TMEM132D: variants seen among roughly 807,000 people sequenced by gnomAD.
The protein encoded by TMEM132D is transmembrane protein 132D.
In TMEM132D, 21 loss-of-function variants were observed where a neutral mutation model predicts 62.3. The observed-to-expected ratio is 0.34, with a 90% CI of 0.24 to 0.49. The LOEUF is 0.49. Among genes scored for constraint, TMEM132D ranks in the 20% least tolerant of loss-of-function variants. The pLI is 0.99. For synonymous variants in TMEM132D, 621 were observed against 575.6 expected, an observed-to-expected ratio of 1.08 and a Z score of -1.13; for missense variants, 1,346 against 1,402.8, an observed-to-expected ratio of 0.96 and a Z score of 0.65.
At chr12:129,100,919 T>C (rs1355714936) in intron 5 of TMEM132D, among the ~76,000 whole-genome samples, 1 of 151,932 alleles carries the variant, frequency 6.6e-6, no homozygotes, top group African/African-American at 2.4e-5. Flanking sequence ...TGTCTGGGGG[T>C]CGGTGGCAGG....
At chr12:129,755,310 A>G (rs1263683033) in intron 1 of TMEM132D, among the ~76,000 whole-genome samples, 1 of 152,232 alleles carries the variant, frequency 6.6e-6, no homozygotes, top group Non-Finnish European at 1.5e-5. Flanking sequence ...TCTCTCATTA[A>G]TGAATAAGGT....
In TMEM132D at chr12:129,589,793, T is replaced by C. The variant is rs1372761192; in HGVS notation, c.969-58588A>G. 2.0e-5 allele frequency among the ~76,000 whole-genome samples: 3 copies of C among 152,198 alleles called. No homozygotes were observed. The South Asian group carries it at 6.2e-4, about 32-fold the overall frequency. On this transcript the variant is annotated intron_variant, in intron 2 of 8. Transcript: ENST00000422113. ...CAGCTCAACATAAAAACATTTATTC[T>C]GTTCTTACCAGTAGGATTAATTCCA...
chr12:129,434,453 G>A (rs1458395859), intron 3 of TMEM132D, among the ~76,000 whole-genome samples: 6 of 152,058 alleles, frequency 3.9e-5, no homozygotes, highest in African/African-American at 7.2e-5. Flanking sequence ...CTCCTCATAC[G>A]TTTGCTGTGA....
chr12:129,450,451 TAA>T lies in TMEM132D; in HGVS notation c.1115+80606_1115+80607del, dbSNP rs1873239304. Among the ~76,000 whole-genome samples the T allele has an allele frequency of 2.0e-5, 3 of 152,270 alleles. No homozygotes were observed. In the South Asian group the frequency reaches 6.2e-4, roughly 32 times the overall value. On this transcript the variant is annotated intron_variant, in intron 3 of 8. Coordinates refer to ENST00000422113, the MANE Select transcript of TMEM132D (RefSeq NM_133448.3). The stretch of plus-strand genomic sequence containing the variant: ...AAACCTGTACTTGCACCCCTGAACT[TAA>T]AAGTTTTAGAAAAGAGTTTCAATGA...
At chr12:129,789,120 T>C (rs1871326030) in intron 1 of TMEM132D, among the ~76,000 whole-genome samples, 1 of 152,186 alleles carries the variant, frequency 6.6e-6, no homozygotes, top group South Asian at 2.1e-4. Flanking sequence ...GTTACATGGA[T>C]AAGTTCTTTA....
At chr12:129,196,226 C>A (rs1878548194) in intron 5 of TMEM132D, among the ~76,000 whole-genome samples, 1 of 152,192 alleles carries the variant, frequency 6.6e-6, no homozygotes, top group Admixed American at 6.5e-5. Context: ...GACTCAGGAG[C>A]TAAATGCTTA....
At chr12:129,811,429 C>T (rs1260841642) in intron 1 of TMEM132D, among the ~76,000 whole-genome samples, 1 of 151,612 alleles carries the variant, frequency 6.6e-6, no homozygotes, top group African/African-American at 2.4e-5. Context: ...GATCCGGATA[C>T]TCCGGGACCA....
At chr12:129,518,015 T>C (rs1322255417) in intron 3 of TMEM132D, among the ~76,000 whole-genome samples, 3 of 152,192 alleles carry the variant, frequency 2.0e-5, no homozygotes, top group Non-Finnish European at 4.4e-5. Context: ...GTCACTTAAA[T>C]GCCAACACAA....
chr12:129,367,238 C>T (rs1484166379), intron 3 of TMEM132D, among the ~76,000 whole-genome samples: 1 of 150,902 alleles, frequency 6.6e-6, no homozygotes, highest in African/African-American at 2.4e-5. Context: ...GATTTATTTA[C>T]TTATTTATTT....
intron 4 of TMEM132D, among the ~76,000 whole-genome samples, chr12:129,294,475 C>T (rs1011042): frequency 6.6e-6 from 1 of 151,714 alleles, no homozygotes; most frequent in African/African-American, 2.4e-5. Flanking sequence ...GGCCTCTCAC[C>T]CAGTCTTTCA....
intron 5 of TMEM132D, among the ~76,000 whole-genome samples, chr12:129,117,423 G>T (rs1338215059): frequency 6.6e-6 from 1 of 151,920 alleles, no homozygotes; most frequent in Non-Finnish European, 1.5e-5. Flanking sequence ...TTTGAGCTTT[G>T]GTAAATAAAA....
chr12:129,854,031 G>A (rs748231719), intron 1 of TMEM132D, among the ~76,000 whole-genome samples: 28 of 152,218 alleles, frequency 1.8e-4, no homozygotes, highest in Non-Finnish European at 3.1e-4. Context: ...ATGGGCCTCC[G>A]TTTCCTCTTT....
intron 3 of TMEM132D, among the ~76,000 whole-genome samples, chr12:129,417,723 G>A (rs1386588487): frequency 6.6e-6 from 1 of 152,152 alleles, no homozygotes; most frequent in East Asian, 1.9e-4. Flanking sequence ...AAACTAAAGA[G>A]CTTCTGCACA....
chr12:129,373,030 CT>C (rs1870663387), intron 3 of TMEM132D, among the ~76,000 whole-genome samples: 1 of 152,072 alleles, frequency 6.6e-6, no homozygotes, highest in African/African-American at 2.4e-5. Flanking sequence ...CAGGAACCCA[CT>C]TGTTGTTAGA....
chr12:129,140,565 A>G (rs1225906847), intron 5 of TMEM132D, among the ~76,000 whole-genome samples: 1 of 152,084 alleles, frequency 6.6e-6, no homozygotes, highest in Non-Finnish European at 1.5e-5. Context: ...TTCACCGGGC[A>G]TGGTGGCTCC....
rs1007183516 is a variant in TMEM132D at position 129,519,744 on chromosome 12, G to T, written c.1115+11315C>A. On this transcript the variant is annotated intron_variant, in intron 3 of 8. Transcript: ENST00000422113. ...CTGCCTCAGCCTCCTGAGTAGCTGGGATTACAGGTGCCCACCACCATGCCC... is the reference window on the plus strand; with the variant it reads ...CTGCCTCAGCCTCCTGAGTAGCTGGTATTACAGGTGCCCACCACCATGCCC... 2.0e-5 allele frequency among the ~76,000 whole-genome samples: 3 copies of T among 151,882 alleles called. No homozygotes were observed. The East Asian group carries it at 5.8e-4, about 29-fold the overall frequency.
chr12:129,741,199 A>G (rs1356867481), intron 1 of TMEM132D, among the ~76,000 whole-genome samples: 1 of 152,218 alleles, frequency 6.6e-6, no homozygotes, highest in Non-Finnish European at 1.5e-5. Context: ...TGAAACATCA[A>G]GAGATCTCTT....
At chr12:129,620,818 C>G (rs1173834720) in intron 2 of TMEM132D, among the ~76,000 whole-genome samples, 1 of 152,006 alleles carries the variant, frequency 6.6e-6, no homozygotes, top group Non-Finnish European at 1.5e-5. Flanking sequence ...CTGGGGCCCT[C>G]TTGGGGGATG....
chr12:129,675,256 A>G (rs1880597909), intron 2 of TMEM132D, among the ~76,000 whole-genome samples: 1 of 152,208 alleles, frequency 6.6e-6, no homozygotes, highest in African/African-American at 2.4e-5. Flanking sequence ...CATCATTGTC[A>G]GCAAACTAAC....
Sources: gnomAD v4.1 joint callset for allele counts (sites outside exome capture counted in the v4.1 genomes callset) on GRCh38, gnomAD v4.1.1 for gene constraint, MANE v1.5 for transcripts, NCBI Gene and HGNC (gene_info 2026-07-23, HGNC 2026-07-21) for gene names.